Variants in GALNT10 observed in about 807,000 individuals in gnomAD.
GALNT10 encodes the protein polypeptide N-acetylgalactosaminyltransferase 10, also known as GalNAc transferase 10.
GALNT10 carries 41 observed loss-of-function variants against 75.0 expected under a neutral mutation model. The observed-to-expected ratio is 0.55, with a 90% CI of 0.43 to 0.71. GALNT10 has a LOEUF of 0.71. Ranked by LOEUF, GALNT10 falls within the 30% of genes least tolerant of loss-of-function variation. The probability of loss-of-function intolerance (pLI) is 0.00; values close to 1 mark genes in which losing one functional copy is unlikely to be tolerated. For synonymous variants in GALNT10, 302 were observed against 313.0 expected (o/e 0.96, Z 0.37); for missense variants, 727 against 818.5 (o/e 0.89, Z 1.36).
chr5:154,273,664 G>A (rs1282906577), intron 1 of GALNT10, among the ~76,000 whole-genome samples: 4 of 152,144 alleles, frequency 2.6e-5, no homozygotes, highest in African/African-American at 9.7e-5. Flanking sequence ...GTAAGGGTTG[G>A]GAGTAGGGAG....
intron 3 of GALNT10, among the ~76,000 whole-genome samples, chr5:154,323,155 A>G (rs1754702604): frequency 6.6e-6 from 1 of 152,222 alleles, no homozygotes; most frequent in South Asian, 2.1e-4. Context: ...TTTGCGGGCC[A>G]CATGGGGTCT....
chr5:154,204,683 C>G (rs930477073), intron 1 of GALNT10, among the ~76,000 whole-genome samples: 1 of 152,186 alleles, frequency 6.6e-6, no homozygotes, highest in African/African-American at 2.4e-5. Context: ...AGGACTGGTT[C>G]CTCCTCATCT....
At chr5:154,300,126 G>C (rs187667518) in intron 3 of GALNT10, among the ~76,000 whole-genome samples, 1 of 152,110 alleles carries the variant, frequency 6.6e-6, no homozygotes, top group African/African-American at 2.4e-5. Flanking sequence ...GTGAGCCACC[G>C]TGCCTGGCCA....
rs548119359 is a variant in GALNT10, at chr5:154,314,503, G to T, written c.402-15069G>T. Among the ~76,000 whole-genome samples, 6 of 152,102 alleles carry T rather than the reference G, an allele frequency of 3.9e-5. No homozygotes were observed. The South Asian group carries it at 1.2e-3, about 32-fold the overall frequency. ...AATGATATGAGAGTCAGGCTTTCCA[G>T]ACTTAATATTCATTGCTTCTGATTG... On this transcript the variant is annotated intron_variant, in intron 3 of 11. Coordinates refer to ENST00000297107, the MANE Select transcript of GALNT10 (RefSeq NM_198321.4).
rs1379874861 is a variant in GALNT10 at position 154,412,853 on chromosome 5, C to G, written c.1387-36C>G. On this transcript the variant is annotated intron_variant, in intron 9 of 11. Transcript: ENST00000297107. This position sits in a 1 kb window ranked among gnomAD's most constrained non-coding sequence, Gnocchi z 4.2. ...GGGACCCGGTGGGCACCTTAAGGCACCTCAGTGGTCCACTTCTTCCCTCTT... is the reference window on the plus strand; with the variant it reads ...GGGACCCGGTGGGCACCTTAAGGCAGCTCAGTGGTCCACTTCTTCCCTCTT... 6.8e-7 allele frequency: 1 copy of G among 1,460,044 alleles called. No homozygotes were observed. The highest frequency in any genetic ancestry group is 1.1e-5 in the South Asian group (1 of 87,888). 90.4% of individuals were successfully genotyped at this position (1,460,044 alleles called of 1,614,324 possible).
chr5:154,218,048 C>A, intron 1 of GALNT10: 1 of 985,100 alleles, frequency 1.0e-6, no homozygotes, highest in Non-Finnish European at 1.2e-6. Flanking sequence ...CCACCCCAGC[C>A]TGGGCACTGC....
intron 3 of GALNT10, among the ~76,000 whole-genome samples, chr5:154,301,913 G>T (rs1267469598): frequency 2.6e-5 from 4 of 152,100 alleles, no homozygotes; most frequent in Non-Finnish European, 4.4e-5. Flanking sequence ...CACCCACCCA[G>T]CCAGCCAGCC....
At chr5:154,265,984 C>T (rs1480897535) in intron 1 of GALNT10, among the ~76,000 whole-genome samples, 1 of 151,910 alleles carries the variant, frequency 6.6e-6, no homozygotes, top group East Asian at 1.9e-4. Context: ...CTTTAAAAAA[C>T]TCATCCAGAA....
chr5:154,355,505 G>A (rs1441522787), intron 4 of GALNT10, among the ~76,000 whole-genome samples: 1 of 152,208 alleles, frequency 6.6e-6, no homozygotes, highest in East Asian at 1.9e-4. Flanking sequence ...GGGAGCCAAG[G>A]AAGGGCCAGG....
intron 2 of GALNT10, among the ~76,000 whole-genome samples, chr5:154,297,509 T>G (rs1355358593): frequency 6.6e-6 from 1 of 152,214 alleles, no homozygotes; most frequent in Non-Finnish European, 1.5e-5. Context: ...GGAGGAAGCT[T>G]TAGCTCTGAG....
At chr5:154,224,845 A>T (rs1011757106) in intron 1 of GALNT10, among the ~76,000 whole-genome samples, 1 of 139,584 alleles carries the variant, frequency 7.2e-6, no homozygotes, top group African/African-American at 2.7e-5. Context: ...CAGTGGCAGG[A>T]TCTCGGCTCG....
In GALNT10 at chr5:154,376,398, G is replaced by A; in HGVS notation, c.690G>A (p.Gly230=). The A allele has an allele frequency of 6.2e-7, 1 of 1,606,024 alleles. No homozygotes were observed. The highest frequency in any genetic ancestry group is 8.5e-7 in the Non-Finnish European group (1 of 1,177,158). ...TGCTGGGGGCCTCAGTGGCAACTGG[G>A]GATGTCATCACATTCTTGGATTCAC... is the stretch of plus-strand genomic sequence containing the variant. ...TRMLGASVAT[G]DVITFLDSHC... Residue 230 remains glycine (G), a synonymous_variant, in exon 5 of 12, where the codon GGG becomes GGA. Transcript: ENST00000297107. This position sits in a 1 kb window ranked among gnomAD's most constrained non-coding sequence, Gnocchi z 4.1.
chr5:154,380,020 G>A, intron 5 of GALNT10, among the ~76,000 whole-genome samples: 1 of 152,230 alleles, frequency 6.6e-6, no homozygotes, highest in Non-Finnish European at 1.5e-5. Context: ...TCAAGCTCAG[G>A]ACTTGGAATG....
chr5:154,357,012 G>C (rs1274516931), intron 4 of GALNT10, among the ~76,000 whole-genome samples: 1 of 152,118 alleles, frequency 6.6e-6, no homozygotes, highest in Non-Finnish European at 1.5e-5. Context: ...CAGAAACTTT[G>C]GTTTCTTTGA....
intron 1 of GALNT10, among the ~76,000 whole-genome samples, chr5:154,294,540 C>T (rs777025471): frequency 6.6e-6 from 1 of 152,234 alleles, no homozygotes. Flanking sequence ...TGCACACTTT[C>T]TCCCTTGGGT....
chr5:154,248,043 G>T (rs1203970039), intron 1 of GALNT10, among the ~76,000 whole-genome samples: 1 of 152,174 alleles, frequency 6.6e-6, no homozygotes, highest in East Asian at 1.9e-4. Context: ...TTTTGTCAAA[G>T]GCCTTTTCTG....
At chr5:154,275,331 A>G (rs747243745) in intron 1 of GALNT10, among the ~76,000 whole-genome samples, 4 of 152,228 alleles carry the variant, frequency 2.6e-5, no homozygotes, top group Non-Finnish European at 4.4e-5. Flanking sequence ...AATTGAGGAT[A>G]GTTGTTCAGA....
At chr5:154,377,819 G>A (rs577258930) in intron 5 of GALNT10, among the ~76,000 whole-genome samples, 90 of 151,164 alleles carry the variant, frequency 6.0e-4, no homozygotes, top group African/African-American at 2.1e-3. Context: ...ATTAAACCAA[G>A]AGATATTCTG....
rs1756199668 is a variant in GALNT10 at position 154,402,966 on chromosome 5, G to A, written c.1057-1138G>A. 6.6e-6 allele frequency: 1 copy of A among 152,482 alleles called. No homozygotes were observed. The allele number at this position is 152,482 out of a possible 1,614,324, so 9.4% of individuals were successfully genotyped here. A position where few individuals can be genotyped will look rare whatever the true frequency, so the allele number is the denominator to read the frequency against. On this transcript the variant is annotated intron_variant, in intron 7 of 11. Transcript: ENST00000297107. The surrounding 1 kb of genome is among the most constrained non-coding windows in gnomAD (Gnocchi z 4.2). ...ATCTACACAGGGGCACAAATACGAG[G>A]AGGCAGGGATTGTGAGGCCACTTCG...
Sources: allele counts gnomAD v4.1 joint callset (sites outside exome capture counted in the v4.1 genomes callset), GRCh38; gene constraint gnomAD v4.1.1; non-coding constraint Gnocchi (gnomAD v3.1); transcripts MANE v1.5; gene names NCBI Gene and HGNC (gene_info 2026-07-23, HGNC 2026-07-21).